SH3BP1: variants seen among roughly 807,000 people sequenced by gnomAD.
The protein encoded by SH3BP1 is SH3 domain-binding protein 1.
SH3BP1 carries 46 observed loss-of-function variants against 69.8 expected under a neutral mutation model. That is an observed-to-expected ratio of 0.66 (90% CI 0.52 to 0.84). The LOEUF is 0.84. Ranked by LOEUF, SH3BP1 falls within the 40% of genes least tolerant of loss-of-function variation. The probability of loss-of-function intolerance (pLI) is 0.00; values close to 1 mark genes in which losing one functional copy is unlikely to be tolerated. For missense variants in SH3BP1, 868 were observed against 930.9 expected, an observed-to-expected ratio of 0.93 and a Z score of 0.88; for synonymous variants, 403 against 378.0, an observed-to-expected ratio of 1.07 and a Z score of -0.77.
intron 2 of SH3BP1, 72 bp from the exon 3 acceptor site, chr22:37,641,302 G>A: frequency 6.6e-7 from 1 of 1,525,486 alleles, no homozygotes. Context: ...GGTCCCCAGG[G>A]GACAGGAGAA....
rs1480707414 is a variant in SH3BP1, at chr22:37,639,786, A to G, written c.-2A>G. ...CCCCGCAGCCCCCAGCTCGCCCCCA[A>G]GATGATGAAGAGGCAGCTGCACCGC... On this transcript the variant is annotated 5_prime_UTR_variant, in exon 1 of 18. Transcript: ENST00000649765. The G allele has an allele frequency of 1.3e-6, 2 of 1,543,436 alleles. No individual in the cohort carries two copies. The highest frequency in any genetic ancestry group is 8.7e-7 in the Non-Finnish European group (1 of 1,146,644).
At position 37,645,438 on chromosome 22, in the gene SH3BP1, G is replaced by C; in HGVS notation, c.852G>C (p.Glu284Asp). The change falls in exon 10 of 18, where the codon GAG becomes GAC. Residue 284 changes from glutamate to aspartate, a missense_variant. Transcript: ENST00000649765. ...TGTCGCTGGCAACCCACCTGCAAGA[G>C]CTGGGCCGGGAGATTGCCCTGCCCA... Reference protein sequence around the residue: ...YGVSLATHLQELGREIALPIE... With the variant: ...YGVSLATHLQDLGREIALPIE... The C allele has an allele frequency of 6.2e-7, 1 of 1,613,970 alleles. No homozygotes were observed. Among genetic ancestry groups the C allele is most frequent in the Non-Finnish European group, 8.5e-7 (1 of 1,179,900 alleles).
Position 37,653,841 on chromosome 22 carries a change from C to A in SH3BP1, c.1661C>A (p.Thr554Lys). 1 of 1,613,394 alleles carries A rather than the reference C, an allele frequency of 6.2e-7. No individual in the cohort carries two copies. The highest frequency in any genetic ancestry group is 8.5e-7 in the Non-Finnish European group (1 of 1,179,782). ...SPKVTRSPPE[T>K]AAPVEDMARR... ...AAGGTCACCAGGAGTCCCCCGGAGA[C>A]AGCTGCCCCAGTGGAGGACATGGCT... The change falls in exon 17 of 18, where the codon ACA becomes AAA. Residue 554 changes from threonine to lysine, a missense_variant. By Grantham distance (78) the Thr-to-Lys change is moderately conservative. This residue lies in a region of SH3BP1 where 474 missense variants were observed against 462.3 expected (regional missense o/e 1.03). Transcript: ENST00000649765.
rs1388653549 is a variant in SH3BP1, at chr22:37,655,948, G to A, written c.*264G>A. On this transcript the variant is annotated 3_prime_UTR_variant, in exon 18 of 18. Transcript: ENST00000649765. The stretch of plus-strand genomic sequence containing the variant: ...CAGGTCCTAGGGGAGCCACCGGAAG[G>A]AAGGAGAGGTTTGCCTGCTCCTACG... 1 of 1,561,022 alleles carries A rather than the reference G, an allele frequency of 6.4e-7. No individual in the cohort carries two copies. The highest frequency in any genetic ancestry group is 1.7e-5 in the Admixed American group (1 of 58,576).
rs1932743449 is a variant in SH3BP1, at chr22:37,644,515, G to A, written c.619-122G>A. On this transcript the variant is annotated intron_variant, in intron 7 of 17. Coordinates refer to ENST00000649765, the MANE Select transcript of SH3BP1 (RefSeq NM_018957.6). ...CAACCTTGGCAGAGAGAGGAGCCTG[G>A]CTGGGACCTTCCACCTGCAGTTGTG... 5.2e-6 allele frequency: 5 copies of A among 956,684 alleles called. No homozygotes were observed. The Admixed American group carries it at 7.3e-5, about 14-fold the overall frequency. The allele number at this position is 956,684 out of a possible 1,614,324, so 59.3% of individuals were successfully genotyped here. A position where few individuals can be genotyped will look rare whatever the true frequency, so the allele number is the denominator to read the frequency against.
chr22:37,644,605 C>G, intron 7 of SH3BP1, 32 bp from the exon 8 acceptor site: 1 of 1,610,116 alleles, frequency 6.2e-7, no homozygotes, highest in Non-Finnish European at 8.5e-7. Context: ...ACAGCCTCAC[C>G]CAACGTAAGC....
rs780215970 is a variant in SH3BP1, at chr22:37,641,105, C to CA, written c.60-21_60-20insA. On this transcript the variant is annotated intron_variant, in intron 1 of 17. Coordinates refer to ENST00000649765, the MANE Select transcript of SH3BP1 (RefSeq NM_018957.6). ...GGCTCAGCAGAAGCACTCTCCCCCC[C>CA]CCCCCCACCACTCCCCGCAGCACCC... is the stretch of plus-strand genomic sequence containing the variant. 23 of 1,310,232 alleles carry CA rather than the reference C, an allele frequency of 1.8e-5. 1 individual carries two copies. Among genetic ancestry groups the CA allele is most frequent in the Middle Eastern group, 4.1e-4 (2 of 4,828 alleles). The allele number at this position is 1,310,232 out of a possible 1,614,324, so 81.2% of individuals were successfully genotyped here.
intron 1 of SH3BP1, 35 bp downstream of exon 1, chr22:37,639,881 C>A: frequency 6.6e-7 from 1 of 1,522,576 alleles, no homozygotes. Flanking sequence ...CACTCTTACC[C>A]CGGCAGGACT....
At chr22:37,644,248 G>A (rs1247550310) in intron 7 of SH3BP1, among the ~76,000 whole-genome samples, 12 of 152,044 alleles carry the variant, frequency 7.9e-5, no homozygotes, top group African/African-American at 2.4e-4. Context: ...GCGTAGTGGC[G>A]GGCGCCTGTA....
chr22:37,640,055 AGGGAT>A (rs1932526644), intron 1 of SH3BP1, among the ~76,000 whole-genome samples: 1 of 152,152 alleles, frequency 6.6e-6, no homozygotes, highest in African/African-American at 2.4e-5. Flanking sequence ...CTTTGGGGGA[AGGGAT>A]GCCCCCCCTT....
At chr22:37,644,229 CTT>C (rs1932730184) in intron 7 of SH3BP1, among the ~76,000 whole-genome samples, 1 of 152,056 alleles carries the variant, frequency 6.6e-6, no homozygotes, top group Admixed American at 6.6e-5. Flanking sequence ...AATACAAAAA[CTT>C]AGCTGGGCGT....
rs140538665 is a variant in SH3BP1 at position 37,655,923 on chromosome 22, C to T, written c.*239C>T. On this transcript the variant is annotated 3_prime_UTR_variant, in exon 18 of 18. Transcript: ENST00000649765. ...CCCCACCGGACTCTCCACTCTCCGG[C>T]AGGTCCTAGGGGAGCCACCGGAAGG... 36 of 1,569,698 alleles carry T rather than the reference C, an allele frequency of 2.3e-5. No individual in the cohort carries two copies. Among genetic ancestry groups the T allele is most frequent in the Non-Finnish European group, 3.0e-5 (35 of 1,163,680 alleles).
intron 16 of SH3BP1, among the ~76,000 whole-genome samples, chr22:37,651,668 C>T (rs1000396072): frequency 2.6e-5 from 4 of 152,102 alleles, no homozygotes; most frequent in South Asian, 2.1e-4. Flanking sequence ...GGAAGGGCTT[C>T]GTGGTACCGT....
intron 1 of SH3BP1, 26 bp downstream of exon 1, chr22:37,639,872 A>G: frequency 6.5e-7 from 1 of 1,531,318 alleles, no homozygotes; most frequent in Non-Finnish European, 8.8e-7. Context: ...TTCCAGCCCC[A>G]CTCTTACCCC....
intron 4 of SH3BP1, 88 bp downstream of exon 4, chr22:37,642,703 A>G (rs1296185000): frequency 6.2e-7 from 1 of 1,609,084 alleles, no homozygotes; most frequent in Non-Finnish European, 8.5e-7. Context: ...GGGCATCCAC[A>G]TCAGAAGAAT....
intron 7 of SH3BP1, among the ~76,000 whole-genome samples, chr22:37,644,337 C>T (rs541032851): frequency 1.3e-5 from 2 of 152,344 alleles, no homozygotes; most frequent in African/African-American, 4.8e-5. Flanking sequence ...CAAGATTGCA[C>T]CACTGCACTC....
chr22:37,653,041 A>G (rs2146074388), intron 16 of SH3BP1, among the ~76,000 whole-genome samples: 1 of 150,194 alleles, frequency 6.7e-6, no homozygotes, highest in South Asian at 2.1e-4. Flanking sequence ...GGAGACCAAG[A>G]CAGGAGAATC....
In SH3BP1 at chr22:37,650,634, G is replaced by A; in HGVS notation, c.1507G>A (p.Ala503Thr). The A allele has an allele frequency of 6.2e-7, 1 of 1,613,900 alleles. No homozygotes were observed. ...GGCCTCTGAGGAACTTCCGTCCACT[G>A]CCGTGCCCACCCCAGCCACCACCCC... ...RLASEELPST[A>T]VPTPATTPAP... Residue 503 changes from alanine to threonine, a missense_variant, in exon 16 of 18, where the codon GCC becomes ACC. Around this residue, in one of 3 missense-constraint regions of SH3BP1, gnomAD observed 474 missense variants for 462.3 expected, o/e 1.03. Coordinates refer to ENST00000649765, the MANE Select transcript of SH3BP1 (RefSeq NM_018957.6).
intron 3 of SH3BP1, chr22:37,642,303 C>T (rs982434877): frequency 1.3e-5 from 7 of 541,502 alleles, no homozygotes; most frequent in African/African-American, 9.5e-5. Context: ...GTCATTCCTT[C>T]CTGCCCAGTC....
Sources: gnomAD v4.1 joint callset for allele counts (sites outside exome capture counted in the v4.1 genomes callset) on GRCh38, gnomAD v4.1.1 for gene constraint, gnomAD v4.1.1 regional missense constraint, MANE v1.5 for transcripts, NCBI Gene and HGNC (gene_info 2026-07-23, HGNC 2026-07-21) for gene names.